Variants in RSPH1 observed in about 807,000 individuals in gnomAD.
The protein encoded by RSPH1 is radial spoke head component 1, also known as radial spoke head 1 homolog.
In RSPH1, 32 loss-of-function variants were observed where a neutral mutation model predicts 44.2. That is an observed-to-expected ratio of 0.72 (90% CI 0.55 to 0.97). The LOEUF (loss-of-function observed/expected upper bound fraction) is 0.97. Ranked by LOEUF, RSPH1 falls within the 50% of genes least tolerant of loss-of-function variation. The probability of loss-of-function intolerance (pLI) is 0.00; values close to 1 mark genes in which losing one functional copy is unlikely to be tolerated. For missense variants in RSPH1, 391 were observed against 398.7 expected (o/e 0.98, Z 0.16); for synonymous variants, 134 against 147.3 (o/e 0.91, Z 0.65).
Position 42,477,354 on chromosome 21 carries a change from G to A in RSPH1, c.664C>T (p.Pro222Ser), listed in dbSNP as rs755149500. Residue 222 changes from proline (P) to serine (S), a missense_variant, in exon 7 of 9, where the codon CCA becomes TCA. By Grantham distance (74) the Pro-to-Ser change is moderately conservative. Coordinates refer to ENST00000291536, the MANE Select transcript of RSPH1 (RefSeq NM_080860.4). The stretch of plus-strand genomic sequence containing the variant: ...GAGGTCGGCTTTTTGGGGAGAGTTG[G>A]TGTCCACAGGGCCAATTCAGTGATT... ...TQITELALWT[P>S]TLPKKPTSTD... is the part of the protein sequence containing the mutation. The A allele has an allele frequency of 1.9e-6, 3 of 1,614,210 alleles. No homozygotes were observed. The highest frequency in any genetic ancestry group is 3.3e-5 in the Admixed American group (2 of 60,028).
chr21:42,486,786 G>T (rs747959065), intron 3 of RSPH1, among the ~76,000 whole-genome samples: 3 of 152,180 alleles, frequency 2.0e-5, no homozygotes, highest in Non-Finnish European at 2.9e-5. Flanking sequence ...GTGTATGGAT[G>T]TGGGCCACAG....
Position 42,474,745 on chromosome 21 carries a change from G to A in RSPH1, c.877+1153C>T, listed in dbSNP as rs192962119. On this transcript the variant is annotated intron_variant, in intron 8 of 8. Transcript: ENST00000291536. This position sits in a 1 kb window ranked among gnomAD's most constrained non-coding sequence, Gnocchi z 5.2. Reference sequence around the variant, plus strand: ...ACCCCACGTCCCACCTCAGCACTGCGTCACTGGGTGCATTGCTACAGCGCT... The same window carrying A: ...ACCCCACGTCCCACCTCAGCACTGCATCACTGGGTGCATTGCTACAGCGCT... 2.8e-4 allele frequency among the ~76,000 whole-genome samples: 41 copies of A among 148,128 alleles called. No homozygotes were observed. Among genetic ancestry groups the A allele is most frequent in the Admixed American group, 1.9e-3 (29 of 15,116 alleles).
chr21:42,475,279 T>G (rs949470083), intron 8 of RSPH1, among the ~76,000 whole-genome samples: 3 of 152,056 alleles, frequency 2.0e-5, no homozygotes, highest in African/African-American at 7.2e-5. Context: ...GAAACCATAC[T>G]CCTGTTAGTC....
chr21:42,488,794 C>T (rs565026228), intron 3 of RSPH1, among the ~76,000 whole-genome samples: 3 of 152,284 alleles, frequency 2.0e-5, no homozygotes, highest in Admixed American at 1.3e-4. Flanking sequence ...TGCTGAGGCA[C>T]ATCTCTAACA....
intron 1 of RSPH1, 143 bp downstream of exon 1, chr21:42,495,990 C>G: frequency 1.2e-6 from 1 of 818,744 alleles, no homozygotes; most frequent in Non-Finnish European, 2.0e-6. Flanking sequence ...GTGTGTCTGG[C>G]GTGGCCTTCG....
intron 7 of RSPH1, among the ~76,000 whole-genome samples, chr21:42,476,526 C>A (rs2054053004): frequency 6.6e-6 from 1 of 152,146 alleles, no homozygotes; most frequent in South Asian, 2.1e-4. Flanking sequence ...AGGGATCTCA[C>A]CCGGGGTAGC....
intron 3 of RSPH1, among the ~76,000 whole-genome samples, chr21:42,490,826 T>A (rs934711169): frequency 6.7e-6 from 1 of 148,378 alleles, no homozygotes; most frequent in East Asian, 2.0e-4. Flanking sequence ...GACCAAGTGA[T>A]AAGAAGGATA....
intron 6 of RSPH1, among the ~76,000 whole-genome samples, chr21:42,480,135 A>G (rs2054111248): frequency 1.3e-5 from 2 of 152,156 alleles, no homozygotes; most frequent in South Asian, 4.1e-4. Context: ...GATGTGCAGA[A>G]AGTAGAATAT....
intron 6 of RSPH1, 92 bp downstream of exon 6, chr21:42,482,545 T>G: frequency 1.1e-6 from 1 of 871,442 alleles, no homozygotes; most frequent in Non-Finnish European, 1.8e-6. Context: ...GCATAACTTT[T>G]AGGCGAATCA....
rs1365366576 is a variant in RSPH1, at chr21:42,477,379, T to A, written c.639A>T (p.Gln213His). ...GTGTCCACAGGGCCAATTCAGTGAT[T>A]TGGGTAGCTTTCCATTTTGGAACAA... ...VTVVPKWKAT[Q>H]ITELALWTPT... is the part of the protein sequence containing the mutation. The change falls in exon 7 of 9, where the codon CAA (glutamine) becomes CAT (histidine). Residue 213 changes from glutamine (Q) to histidine (H), a missense_variant. Gln to His is a conservative substitution (Grantham distance 24). Coordinates refer to ENST00000291536, the MANE Select transcript of RSPH1 (RefSeq NM_080860.4). 6.2e-7 allele frequency: 1 copy of A among 1,614,168 alleles called. No individual in the cohort carries two copies. The highest frequency in any genetic ancestry group is 8.5e-7 in the Non-Finnish European group (1 of 1,180,028).
chr21:42,474,471 G>A lies in RSPH1; in HGVS notation c.877+1427C>T, dbSNP rs1007354016. Among the ~76,000 whole-genome samples, 4 of 152,302 alleles carry A rather than the reference G, an allele frequency of 2.6e-5. No individual in the cohort carries two copies. The highest frequency in any genetic ancestry group is 6.5e-5 in the Admixed American group (1 of 15,304). ...TCCCATTAGGTGCTAGAGGGCGAGA[G>A]CCCAGCCCCTCACTCCCACACTGCC... is the stretch of plus-strand genomic sequence containing the variant. On this transcript the variant is annotated intron_variant, in intron 8 of 8. Transcript: ENST00000291536. The surrounding 1 kb of genome is among the most constrained non-coding windows in gnomAD (Gnocchi z 5.2).
At chr21:42,478,813 C>A (rs1425792334) in intron 6 of RSPH1, among the ~76,000 whole-genome samples, 2 of 152,132 alleles carry the variant, frequency 1.3e-5, no homozygotes, top group South Asian at 4.1e-4. Context: ...CATCAACAGA[C>A]AAATGGATAA....
chr21:42,482,929 G>C (rs1461626067), intron 5 of RSPH1, among the ~76,000 whole-genome samples: 3 of 152,162 alleles, frequency 2.0e-5, no homozygotes, highest in African/African-American at 7.2e-5. Context: ...TTTTATAAAA[G>C]TGATGTATTC....
chr21:42,473,358 G>A (rs527815761), intron 8 of RSPH1, among the ~76,000 whole-genome samples: 1 of 152,212 alleles, frequency 6.6e-6, no homozygotes, highest in South Asian at 2.1e-4. Context: ...GGGCATGGTG[G>A]TACATGCCTG....
intron 7 of RSPH1, among the ~76,000 whole-genome samples, chr21:42,476,504 G>A (rs899556066): frequency 2.6e-5 from 4 of 152,074 alleles, no homozygotes; most frequent in African/African-American, 7.2e-5. Context: ...GCTTTCCTCC[G>A]CTTGCCATGG....
chr21:42,483,460 ATG>A (rs1491360265), intron 5 of RSPH1, among the ~76,000 whole-genome samples: 4 of 131,214 alleles, frequency 3.0e-5, no homozygotes, highest in East Asian at 2.0e-4. Flanking sequence ...CTATTTTTAC[ATG>A]TTTTTTTATA....
At chr21:42,492,159 G>A (rs1419869621) in intron 3 of RSPH1, among the ~76,000 whole-genome samples, 1 of 152,222 alleles carries the variant, frequency 6.6e-6, no homozygotes, top group African/African-American at 2.4e-5. Flanking sequence ...GCCCAGGTTT[G>A]GGATATCACT....
chr21:42,489,015 G>T (rs1457012827), intron 3 of RSPH1, among the ~76,000 whole-genome samples: 1 of 151,910 alleles, frequency 6.6e-6, no homozygotes, highest in Non-Finnish European at 1.5e-5. Context: ...TTGGTTGGTT[G>T]ATTTGTTGGT....
intron 8 of RSPH1, among the ~76,000 whole-genome samples, chr21:42,473,225 T>C (rs1227757737): frequency 1.3e-5 from 2 of 152,254 alleles, no homozygotes. Flanking sequence ...GCGCAGTGGC[T>C]CATGCCTGTA....
Sources: allele counts gnomAD v4.1 joint callset (sites outside exome capture counted in the v4.1 genomes callset), GRCh38; gene constraint gnomAD v4.1.1; non-coding constraint Gnocchi (gnomAD v3.1); transcripts MANE v1.5; gene names NCBI Gene and HGNC (gene_info 2026-07-23, HGNC 2026-07-21).